Variants in BLOC1S2 observed in about 807,000 individuals in gnomAD.
BLOC1S2 encodes biogenesis of lysosomal organelles complex 1 subunit 2, also known as biogenesis of lysosome-related organelles complex 1 subunit 2.
A neutral mutation model predicts 19.6 loss-of-function variants in BLOC1S2; 12 were observed. The observed-to-expected ratio is 0.61, with a 90% confidence interval of 0.39 to 0.99. The LOEUF is 0.99. BLOC1S2 is among the 50% of genes least tolerant of loss of function. The pLI is 0.00. For synonymous variants in BLOC1S2, 66 were observed against 64.1 expected, an observed-to-expected ratio of 1.03 and a Z score of -0.14; for missense variants, 142 against 171.0, an observed-to-expected ratio of 0.83 and a Z score of 0.95.
chr10:100,280,205 C>A lies in BLOC1S2; in HGVS notation c.316G>T (p.Asp106Tyr). 3 of 1,610,360 alleles carry A rather than the reference C, an allele frequency of 1.9e-6. No homozygotes were observed. The highest frequency in any genetic ancestry group is 1.7e-6 in the Non-Finnish European group (2 of 1,177,726). ...QKYAGLQPYL[D>Y]QINVIEEQVA... is the part of the protein sequence containing the mutation. ...TGCTCTTCAATGACATTGATCTGAT[C>A]CAGATAAGGCTGCAGTCCAGCATCT... The change falls in exon 4 of 5, where the codon GAT (aspartate) becomes TAT (tyrosine). Residue 106 changes from aspartate to tyrosine, a missense_variant. By Grantham distance (160) the Asp-to-Tyr change is radical. Coordinates refer to ENST00000370372, the MANE Select transcript of BLOC1S2 (RefSeq NM_173809.5).
At chr10:100,280,848 T>C in intron 3 of BLOC1S2, 86 bp downstream of exon 3, 5 of 1,436,898 alleles carry the variant, frequency 3.5e-6, no homozygotes, top group Non-Finnish European at 4.6e-6. Flanking sequence ...AAGACAAGGA[T>C]GTCATGTTCC....
chr10:100,278,105 GT>G (rs1447983526), intron 4 of BLOC1S2, among the ~76,000 whole-genome samples: 2 of 105,334 alleles, frequency 1.9e-5, no homozygotes, highest in Non-Finnish European at 2.2e-5. Context: ...CGGGAGGGAG[GT>G]GGGGGGGCGG....
chr10:100,276,871 G>T (rs1214133029), intron 4 of BLOC1S2, among the ~76,000 whole-genome samples: 1 of 152,118 alleles, frequency 6.6e-6, no homozygotes, highest in Non-Finnish European at 1.5e-5. Context: ...CCTCCCAGCC[G>T]CCTGCCTTGG....
Position 100,274,467 on chromosome 10 carries a change from ACTGT to A in BLOC1S2, c.*991_*994del, listed in dbSNP as rs1302283699. The stretch of plus-strand genomic sequence containing the variant: ...CAGGAAGAACAGAGGATAAATGATG[ACTGT>A]CTGGAACAGAGGGGAAATGACAGAA... On this transcript the variant is annotated 3_prime_UTR_variant, in exon 5 of 5. Coordinates refer to ENST00000370372, the MANE Select transcript of BLOC1S2 (RefSeq NM_173809.5). 6.6e-6 allele frequency: 1 copy of A among 152,560 alleles called. No homozygotes were observed. The highest frequency in any genetic ancestry group is 6.5e-5 in the Admixed American group (1 of 15,268). 9.5% of individuals were successfully genotyped at this position (152,560 alleles called of 1,614,324 possible).
At chr10:100,284,472 G>A (rs1420926781) in intron 2 of BLOC1S2, among the ~76,000 whole-genome samples, 1 of 152,128 alleles carries the variant, frequency 6.6e-6, no homozygotes, top group Admixed American at 6.5e-5. Context: ...GCCAGCTTGG[G>A]CAACGGAGCA....
At position 100,278,010 on chromosome 10, in the gene BLOC1S2, A is replaced by G. The variant is rs1438144021; in HGVS notation, c.397+2114T>C. Reference sequence around the variant, plus strand: ...AGCCGCCCTGTCCGGGAGGGAGGTGAGGGAATCAGCCCCCCGCCCGGCCAG... The same window carrying G: ...AGCCGCCCTGTCCGGGAGGGAGGTGGGGGAATCAGCCCCCCGCCCGGCCAG... On this transcript the variant is annotated intron_variant, in intron 4 of 4. Transcript: ENST00000370372. Among the ~76,000 whole-genome samples the G allele has an allele frequency of 3.0e-4, 26 of 86,436 alleles. 1 individual carries two copies. Among genetic ancestry groups the G allele is most frequent in the African/African-American group, 1.1e-3 (22 of 20,062 alleles). The allele number at this position is 86,436 out of a possible 152,430, so 56.7% of individuals were successfully genotyped here.
At chr10:100,277,692 TCCGGGAGGGAGGTGGGGGGCTCAGC>T (rs1847950245) in intron 4 of BLOC1S2, among the ~76,000 whole-genome samples, 1 of 124,400 alleles carries the variant, frequency 8.0e-6, no homozygotes, top group African/African-American at 3.1e-5. Flanking sequence ...AGCCGCCCCG[TCCGGGAGGGAGGTGGGGGGCTCAGC>T]CCCCCGCCCG....
At position 100,286,598 on chromosome 10, in the gene BLOC1S2, C is replaced by A; in HGVS notation, c.55+7G>T. On this transcript the variant is annotated splice_region_variant and intron_variant, in intron 1 of 4. Coordinates refer to ENST00000370372, the MANE Select transcript of BLOC1S2 (RefSeq NM_173809.5). ...CCGGACGCTTCCTCCCCATCCATTC[C>A]GGGTACCTCGGGCGGGCTCATCACT... is the stretch of plus-strand genomic sequence containing the variant. 2.5e-6 allele frequency: 4 copies of A among 1,612,888 alleles called. No individual in the cohort carries two copies. Among genetic ancestry groups the A allele is most frequent in the Non-Finnish European group, 3.4e-6 (4 of 1,179,284 alleles).
rs187727310 is a variant in BLOC1S2, at chr10:100,285,593, T to C, written c.172+504A>G. Among the ~76,000 whole-genome samples the C allele has an allele frequency of 1.9e-3, 287 of 152,346 alleles. 1 individual carries two copies. Among genetic ancestry groups the C allele is most frequent in the Middle Eastern group, 3.4e-3 (1 of 294 alleles). On this transcript the variant is annotated intron_variant, in intron 2 of 4. Coordinates refer to ENST00000370372, the MANE Select transcript of BLOC1S2 (RefSeq NM_173809.5). ...GATCCTCCTCCACACATAGGTCATG[T>C]GTCCACTTGGAAACGATCAAACACT...
chr10:100,280,127 GT>G lies in BLOC1S2; in HGVS notation c.393del (p.Lys131AsnfsTer32). ...AAYKLDAYSK[K>X]LEAKYKKLEK... ...AAACAGAAGTAAAAACGGTTACCCA[GT>G]TTTTTTGAATATGCATCCAACTTGT... On this transcript the variant is annotated frameshift_variant, in exon 4 of 5. Coordinates refer to ENST00000370372, the MANE Select transcript of BLOC1S2 (RefSeq NM_173809.5). LOFTEE classifies it high-confidence loss of function. 3 of 1,612,450 alleles carry G rather than the reference GT, an allele frequency of 1.9e-6. No individual in the cohort carries two copies. The highest frequency in any genetic ancestry group is 2.5e-6 in the Non-Finnish European group (3 of 1,179,156).
intron 2 of BLOC1S2, among the ~76,000 whole-genome samples, chr10:100,282,571 T>C (rs1050487107): frequency 6.6e-6 from 1 of 152,256 alleles, no homozygotes; most frequent in Non-Finnish European, 1.5e-5. Flanking sequence ...TAGATGTCTA[T>C]GCCAGATGCT....
rs3180413 is a variant in BLOC1S2 at position 100,274,701 on chromosome 10, A to G, written c.*761T>C. On this transcript the variant is annotated 3_prime_UTR_variant, in exon 5 of 5. Coordinates refer to ENST00000370372, the MANE Select transcript of BLOC1S2 (RefSeq NM_173809.5). ...AATCCTACATACACAGTAGGAAGGT[A>G]TTTTATAAAATCCTTTATTTTATGA... 21,601 of 331,620 alleles carry G rather than the reference A, an allele frequency of 0.065. 921 individuals are homozygous for G. The highest frequency in any genetic ancestry group is 0.14 in the African/African-American group (6,659 of 47,464). 20.5% of individuals were successfully genotyped at this position (331,620 alleles called of 1,614,324 possible).
Position 100,273,840 on chromosome 10 carries a change from A to G in BLOC1S2, c.*1622T>C, listed in dbSNP as rs1847785054. ...GACAGAGCAAGACTTCATCTCAAAA[A>G]AAAAAAAAAAATAGATCAATACATG... On this transcript the variant is annotated 3_prime_UTR_variant, in exon 5 of 5. Transcript: ENST00000370372. 1 of 152,112 alleles carries G rather than the reference A, an allele frequency of 6.6e-6. No homozygotes were observed. The highest frequency in any genetic ancestry group is 1.5e-5 in the Non-Finnish European group (1 of 68,050). 9.4% of individuals were successfully genotyped at this position (152,112 alleles called of 1,614,324 possible). A position where few individuals can be genotyped will look rare whatever the true frequency, so the allele number is the denominator to read the frequency against.
intron 2 of BLOC1S2, among the ~76,000 whole-genome samples, chr10:100,281,705 T>TATACACAC (rs1370530311): frequency 2.9e-5 from 2 of 69,824 alleles, no homozygotes; most frequent in African/African-American, 1.0e-4. Flanking sequence ...TATATATATA[T>TATACACAC]ACACATACAC....
intron 1 of BLOC1S2, 142 bp downstream of exon 1, chr10:100,286,463 C>G: frequency 6.7e-7 from 1 of 1,486,890 alleles, no homozygotes; most frequent in Non-Finnish European, 9.0e-7. Context: ...CCTGACAGGA[C>G]AAACACTCGC....
At chr10:100,276,184 C>A (rs1201114891) in intron 4 of BLOC1S2, among the ~76,000 whole-genome samples, 1 of 152,190 alleles carries the variant, frequency 6.6e-6, no homozygotes. Flanking sequence ...CCACCCATAT[C>A]AAATCCCAGC....
intron 2 of BLOC1S2, among the ~76,000 whole-genome samples, chr10:100,281,883 G>C (rs1336924616): frequency 1.3e-5 from 2 of 151,918 alleles, no homozygotes; most frequent in Non-Finnish European, 2.9e-5. Context: ...CCCATTCAAA[G>C]CAAATGGTCT....
In BLOC1S2 at chr10:100,278,083, A is replaced by G. The variant is rs1245238917; in HGVS notation, c.397+2041T>C. On this transcript the variant is annotated intron_variant, in intron 4 of 4. Coordinates refer to ENST00000370372, the MANE Select transcript of BLOC1S2 (RefSeq NM_173809.5). ...GGGGGGCTCAGCCCCCCGCCGGGCC[A>G]GCCGCTCCGTCCGGGAGGGAGGTGG... Among the ~76,000 whole-genome samples the G allele has an allele frequency of 1.3e-3, 170 of 132,842 alleles. 4 individuals carry two copies. Among genetic ancestry groups the G allele is most frequent in the African/African-American group, 4.5e-3 (157 of 34,556 alleles). The allele number at this position is 132,842 out of a possible 152,430, so 87.1% of individuals were successfully genotyped here.
intron 3 of BLOC1S2, 61 bp from the exon 4 acceptor site, chr10:100,280,289 A>G (rs1027039902): frequency 1.9e-5 from 27 of 1,427,880 alleles, no homozygotes; most frequent in Non-Finnish European, 2.3e-5. Context: ...ATATAGGAAA[A>G]GAGTGGAAAA....
Sources: gnomAD v4.1 joint callset for allele counts (sites outside exome capture counted in the v4.1 genomes callset) on GRCh38, gnomAD v4.1.1 for gene constraint, MANE v1.5 for transcripts, NCBI Gene and HGNC (gene_info 2026-07-23, HGNC 2026-07-21) for gene names.